ADAMTS2: variants seen among roughly 807,000 people sequenced by gnomAD.
The protein encoded by ADAMTS2 is A disintegrin and metalloproteinase with thrombospondin motifs 2.
A neutral mutation model predicts 123.0 loss-of-function variants in ADAMTS2; 50 were observed. That is an observed-to-expected ratio of 0.41 (90% CI 0.32 to 0.51). ADAMTS2 has a LOEUF of 0.51. Ranked by LOEUF, ADAMTS2 falls within the 20% of genes least tolerant of loss-of-function variation. The pLI, the probability that ADAMTS2 is intolerant of heterozygous loss-of-function variation, is 0.35. For synonymous variants in ADAMTS2, 678 were observed against 695.4 expected (o/e 0.98, Z 0.39); for missense variants, 1,494 against 1,705.2 (o/e 0.88, Z 2.18).
intron 6 of ADAMTS2, among the ~76,000 whole-genome samples, chr5:179,157,518 C>CT (rs112529401): frequency 0.1 from 14,905 of 144,492 alleles, 904 homozygotes; most frequent in African/African-American, 0.13. Context: ...TTAAATTTTC[C>CT]TTTTTTTTTT....
chr5:179,249,178 T>C (rs117468946), intron 3 of ADAMTS2, among the ~76,000 whole-genome samples: 2 of 152,122 alleles, frequency 1.3e-5, no homozygotes, highest in East Asian at 1.9e-4. Context: ...AATTAGAATA[T>C]ATAATAAATA....
At chr5:179,160,437 T>TCTCAAA in intron 5 of ADAMTS2, among the ~76,000 whole-genome samples, 2 of 152,170 alleles carry the variant, frequency 1.3e-5, no homozygotes, top group East Asian at 1.9e-4. Context: ...GGCGACAGAG[T>TCTCAAA]GAGACTCCGT....
At chr5:179,176,244 C>T (rs870311) in intron 5 of ADAMTS2, among the ~76,000 whole-genome samples, 65,216 of 151,868 alleles carry the variant, frequency 0.43, 14,644 homozygotes, top group East Asian at 0.76. Flanking sequence ...TGAGGGGCTA[C>T]GGGGCCGTCA....
At chr5:179,322,119 T>C (rs564720598) in intron 2 of ADAMTS2, among the ~76,000 whole-genome samples, 2 of 152,330 alleles carry the variant, frequency 1.3e-5, no homozygotes, top group East Asian at 3.9e-4. Flanking sequence ...CTGCAGGGAT[T>C]TCCATTTTCT....
intron 2 of ADAMTS2, among the ~76,000 whole-genome samples, chr5:179,287,911 C>T (rs1756069495): frequency 6.6e-6 from 1 of 152,232 alleles, no homozygotes; most frequent in Non-Finnish European, 1.5e-5. Context: ...CGCAGCCCGC[C>T]CAACGCCAGT....
At chr5:179,122,796 C>T (rs1340997104) in intron 19 of ADAMTS2, 23 bp from the exon 20 acceptor site, 3 of 1,552,400 alleles carry the variant, frequency 1.9e-6, no homozygotes, top group Non-Finnish European at 1.7e-6. Context: ...AGTCGCCAGG[C>T]AGGGTTCACC....
Position 179,112,133 on chromosome 5 carries a change from C to T in ADAMTS2, c.*1734G>A, listed in dbSNP as rs1218898270. 3 of 152,224 alleles carry T rather than the reference C, an allele frequency of 2.0e-5. No individual in the cohort carries two copies. The East Asian group carries it at 5.8e-4, about 29-fold the overall frequency. The allele number at this position is 152,224 out of a possible 1,614,324, so 9.4% of individuals were successfully genotyped here. A position where few individuals can be genotyped will look rare whatever the true frequency, so the allele number is the denominator to read the frequency against. On this transcript the variant is annotated 3_prime_UTR_variant, in exon 22 of 22. Transcript: ENST00000251582. ...ACATGTGCAGCCTCAGACAAACATACTTATTAGCACCTCAAAACTCAGTAG... is the reference window on the plus strand; with the variant it reads ...ACATGTGCAGCCTCAGACAAACATATTTATTAGCACCTCAAAACTCAGTAG...
rs1757023039 is a variant in ADAMTS2 at position 179,317,169 on chromosome 5, G to C, written c.534+26598C>G. On this transcript the variant is annotated intron_variant, in intron 2 of 21. Coordinates refer to ENST00000251582, the MANE Select transcript of ADAMTS2 (RefSeq NM_014244.5). The surrounding 1 kb of genome is among the most constrained non-coding windows in gnomAD (Gnocchi z 4.9). The stretch of plus-strand genomic sequence containing the variant: ...CTCCAGCCCTCCTGTCACTCTGCCA[G>C]CTGGCAGCAGGGCCACCTCTGAGCA... Among the ~76,000 whole-genome samples the C allele has an allele frequency of 6.6e-6, 1 of 152,094 alleles. No homozygotes were observed. The highest frequency in any genetic ancestry group is 2.1e-4 in the South Asian group (1 of 4,814).
chr5:179,260,857 G>A lies in ADAMTS2; in HGVS notation c.688+12054C>T, dbSNP rs1420582391. Among the ~76,000 whole-genome samples the A allele has an allele frequency of 1.3e-5, 2 of 152,142 alleles. No individual in the cohort carries two copies. Among genetic ancestry groups the A allele is most frequent in the Admixed American group, 6.5e-5 (1 of 15,282 alleles). The stretch of plus-strand genomic sequence containing the variant: ...CTTGCTCCCTGCTGTTCCCGCTACT[G>A]CTTGGACAGTGGTAGCCCTGCACCT... On this transcript the variant is annotated intron_variant, in intron 3 of 21. Coordinates refer to ENST00000251582, the MANE Select transcript of ADAMTS2 (RefSeq NM_014244.5). The surrounding 1 kb of genome is among the most constrained non-coding windows in gnomAD (Gnocchi z 4.2).
rs1185835733 is a variant in ADAMTS2, at chr5:179,155,532, T to C, written c.1133-613A>G. 6.6e-6 allele frequency among the ~76,000 whole-genome samples: 1 copy of C among 152,142 alleles called. No individual in the cohort carries two copies. The highest frequency in any genetic ancestry group is 6.5e-5 in the Admixed American group (1 of 15,286). On this transcript the variant is annotated intron_variant, in intron 6 of 21. Transcript: ENST00000251582. The surrounding 1 kb of genome is among the most constrained non-coding windows in gnomAD (Gnocchi z 5.1). ...CAGAATATCCCAGCAGGGGGCTGGC[T>C]GGTGCGGACTGGGAGGTCAGAGCCG...
intron 2 of ADAMTS2, among the ~76,000 whole-genome samples, chr5:179,302,663 A>G (rs902357552): frequency 6.6e-6 from 1 of 151,972 alleles, no homozygotes; most frequent in African/African-American, 2.4e-5. Context: ...GCAGTAAGCA[A>G]GCAAAGAGGA....
At chr5:179,273,350 CA>C (rs1766600570) in intron 2 of ADAMTS2, among the ~76,000 whole-genome samples, 1 of 152,140 alleles carries the variant, frequency 6.6e-6, no homozygotes, top group South Asian at 2.1e-4. Context: ...TTTATAAAGT[CA>C]AAACCGTCCA....
At position 179,137,761 on chromosome 5, in the gene ADAMTS2, G is replaced by C; in HGVS notation, c.1951+8C>G. 1 of 1,507,814 alleles carries C rather than the reference G, an allele frequency of 6.6e-7. No homozygotes were observed. The highest frequency in any genetic ancestry group is 8.9e-7 in the Non-Finnish European group (1 of 1,123,030). 93.4% of individuals were successfully genotyped at this position (1,507,814 alleles called of 1,614,324 possible). A position where few individuals can be genotyped will look rare whatever the true frequency, so the allele number is the denominator to read the frequency against. ...GAGCCCCCACTGATGCCTCCCAGAA[G>C]GGCTCACCATCCCGGTGCTCGTGGG... On this transcript the variant is annotated splice_region_variant and intron_variant, in intron 12 of 21. Coordinates refer to ENST00000251582, the MANE Select transcript of ADAMTS2 (RefSeq NM_014244.5).
At chr5:179,243,687 G>A (rs1413542479) in intron 3 of ADAMTS2, among the ~76,000 whole-genome samples, 3 of 152,178 alleles carry the variant, frequency 2.0e-5, no homozygotes, top group African/African-American at 7.2e-5. Context: ...GACACTGCTG[G>A]TAAGAAAGCC....
intron 2 of ADAMTS2, among the ~76,000 whole-genome samples, chr5:179,311,174 C>T (rs953021627): frequency 1.3e-5 from 2 of 152,154 alleles, no homozygotes; most frequent in Non-Finnish European, 2.9e-5. Context: ...CGAGCCTCCC[C>T]CGCCCTCTGA....
intron 2 of ADAMTS2, among the ~76,000 whole-genome samples, chr5:179,342,950 A>G (rs186873696): frequency 2.4e-3 from 364 of 152,272 alleles, no homozygotes; most frequent in African/African-American, 8.2e-3. Context: ...GGCAGTCTCA[A>G]AAGGGATCCC....
chr5:179,154,710 G>GAC, intron 7 of ADAMTS2, 104 bp downstream of exon 7: 1 of 978,260 alleles, frequency 1.0e-6, no homozygotes, highest in Admixed American at 2.1e-5. Flanking sequence ...AAGTGGCTTT[G>GAC]ACACAGGGCG....
chr5:179,188,660 A>AGGTC lies in ADAMTS2; in HGVS notation c.892-7506_892-7505insGACC, dbSNP rs1403999934. Among the ~76,000 whole-genome samples, 1 of 152,136 alleles carries AGGTC rather than the reference A, an allele frequency of 6.6e-6. No individual in the cohort carries two copies. Among genetic ancestry groups the AGGTC allele is most frequent in the African/African-American group, 2.4e-5 (1 of 41,432 alleles). ...GGCTCAGTTCATACATCAAAAAGTG[A>AGGTC]GGTGGTCAGAGTCCCCTCCTTCAAT... On this transcript the variant is annotated intron_variant, in intron 4 of 21. Coordinates refer to ENST00000251582, the MANE Select transcript of ADAMTS2 (RefSeq NM_014244.5). This position sits in a 1 kb window ranked among gnomAD's most constrained non-coding sequence, Gnocchi z 5.1.
intron 10 of ADAMTS2, among the ~76,000 whole-genome samples, chr5:179,141,385 G>A (rs891916500): frequency 6.6e-6 from 1 of 152,068 alleles, no homozygotes; most frequent in African/African-American, 2.4e-5. Flanking sequence ...GTTCCTTATT[G>A]GAACTTTATT....
Sources: gnomAD v4.1 joint callset for allele counts (sites outside exome capture counted in the v4.1 genomes callset) on GRCh38, gnomAD v4.1.1 for gene constraint, Gnocchi (gnomAD v3.1) non-coding constraint, MANE v1.5 for transcripts, NCBI Gene and HGNC (gene_info 2026-07-23, HGNC 2026-07-21) for gene names.